Variants in RFX1 observed in about 807,000 individuals in gnomAD.
The protein encoded by RFX1 is regulatory factor X1, also known as MHC class II regulatory factor RFX1.
A neutral mutation model predicts 119.6 loss-of-function variants in RFX1; 42 were observed. That is an observed-to-expected ratio of 0.35 (90% CI 0.27 to 0.45). RFX1 has a LOEUF of 0.45. RFX1 is among the 20% of genes least tolerant of loss of function. The pLI, the probability that RFX1 is intolerant of heterozygous loss-of-function variation, is 1.00. For synonymous variants in RFX1, 628 were observed against 618.5 expected (o/e 1.02, Z -0.23); for missense variants, 1,118 against 1,368.1 (o/e 0.82, Z 2.88).
Position 13,979,427 on chromosome 19 carries a change from T to C in RFX1, c.834+20A>G. On this transcript the variant is annotated intron_variant, in intron 7 of 20. Transcript: ENST00000254325. ...GGGACCAGCCCCTTTGCCCGTGGGG[T>C]AGGAGGGGGAGACACACACCTCTTG... The C allele has an allele frequency of 6.6e-7, 1 of 1,512,884 alleles. No individual in the cohort carries two copies. Among genetic ancestry groups the C allele is most frequent in the Non-Finnish European group, 9.0e-7 (1 of 1,116,286 alleles). 93.7% of individuals were successfully genotyped at this position (1,512,884 alleles called of 1,614,324 possible). A position where few individuals can be genotyped will look rare whatever the true frequency, so the allele number is the denominator to read the frequency against.
At position 13,966,894 on chromosome 19, in the gene RFX1, G is replaced by A. The variant is rs573906934; in HGVS notation, c.1733-143C>T. The A allele has an allele frequency of 3.0e-4, 176 of 583,642 alleles. 1 individual carries two copies. Among genetic ancestry groups the A allele is most frequent in the South Asian group, 1.2e-3 (57 of 46,858 alleles). The allele number at this position is 583,642 out of a possible 1,614,324, so 36.2% of individuals were successfully genotyped here. A position where few individuals can be genotyped will look rare whatever the true frequency, so the allele number is the denominator to read the frequency against. ...GCTAGGTGGGGTGAGCGCCTGGCCC[G>A]GGCCCAGGACGGGCCCAGGAGTGAG... On this transcript the variant is annotated intron_variant, in intron 12 of 20. Coordinates refer to ENST00000254325, the MANE Select transcript of RFX1 (RefSeq NM_002918.5). This position sits in a 1 kb window ranked among gnomAD's most constrained non-coding sequence, Gnocchi z 6.3.
At position 13,980,007 on chromosome 19, in the gene RFX1, C is replaced by A. The variant is rs1011103759; in HGVS notation, c.739-465G>T. Among the ~76,000 whole-genome samples the A allele has an allele frequency of 1.3e-5, 2 of 151,852 alleles. No individual in the cohort carries two copies. The highest frequency in any genetic ancestry group is 2.9e-5 in the Non-Finnish European group (2 of 67,946). ...CTGGAGGTTCGGGGGGGCTCTAGTGCCAGGCGGGGGAGTATCTGTGAAACC... is the reference window on the plus strand; with the variant it reads ...CTGGAGGTTCGGGGGGGCTCTAGTGACAGGCGGGGGAGTATCTGTGAAACC... On this transcript the variant is annotated intron_variant, in intron 6 of 20. Transcript: ENST00000254325. The surrounding 1 kb of genome is among the most constrained non-coding windows in gnomAD (Gnocchi z 5.1).
chr19:13,965,442 C>T lies in RFX1; in HGVS notation c.2211+7G>A. 1 of 1,612,820 alleles carries T rather than the reference C, an allele frequency of 6.2e-7. No individual in the cohort carries two copies. The highest frequency in any genetic ancestry group is 1.1e-5 in the South Asian group (1 of 91,036). ...GATAGGAGAAAGGGACCCCCTCACA[C>T]TCTCACCTTCACCCGCAGCATCTCC... On this transcript the variant is annotated splice_region_variant and intron_variant, in intron 16 of 20. Coordinates refer to ENST00000254325, the MANE Select transcript of RFX1 (RefSeq NM_002918.5). The surrounding 1 kb of genome is among the most constrained non-coding windows in gnomAD (Gnocchi z 4.7).
chr19:13,975,383 AC>A (rs1235282585), intron 8 of RFX1, among the ~76,000 whole-genome samples: 1 of 151,976 alleles, frequency 6.6e-6, no homozygotes, highest in Non-Finnish European at 1.5e-5. Context: ...AAAAAATTAA[AC>A]ATCCAGAAAG....
intron 8 of RFX1, among the ~76,000 whole-genome samples, chr19:13,976,792 A>G (rs963936948): frequency 5.3e-5 from 8 of 151,922 alleles, no homozygotes; most frequent in Non-Finnish European, 1.2e-4. Context: ...TTTAAGTCCA[A>G]GAGTTCGAGG....
At position 13,986,597 on chromosome 19, in the gene RFX1, G is replaced by A. The variant is rs935109680; in HGVS notation, c.320-3002C>T. Among the ~76,000 whole-genome samples, 1 of 152,180 alleles carries A rather than the reference G, an allele frequency of 6.6e-6. No homozygotes were observed. The highest frequency in any genetic ancestry group is 2.4e-5 in the African/African-American group (1 of 41,428). On this transcript the variant is annotated intron_variant, in intron 2 of 20. Transcript: ENST00000254325. The surrounding 1 kb of genome is among the most constrained non-coding windows in gnomAD (Gnocchi z 4.2). ...GGGGTGGCACTGAGTCTGCGAGCGA[G>A]CGTCTGCATCTATCTGCCGGAGATC...
intron 1 of RFX1, among the ~76,000 whole-genome samples, chr19:14,002,798 C>T (rs900260731): frequency 2.0e-5 from 3 of 152,156 alleles, no homozygotes; most frequent in East Asian, 3.9e-4. Context: ...AGCATCTCTG[C>T]GGGCGGGGCA....
chr19:13,979,234 G>A (rs945244078), intron 7 of RFX1, among the ~76,000 whole-genome samples: 1 of 152,210 alleles, frequency 6.6e-6, no homozygotes, highest in Non-Finnish European at 1.5e-5. Context: ...CTGACCCAGG[G>A]CCACGCAAGA....
rs1340105289 is a variant in RFX1 at position 13,969,161 on chromosome 19, G to A, written c.1497-267C>T. ...GACGCTGAAGCTGGGAATGGGAACCGAGACGTGAGCGGAGGTGAGCCATGG... is the reference window on the plus strand; with the variant it reads ...GACGCTGAAGCTGGGAATGGGAACCAAGACGTGAGCGGAGGTGAGCCATGG... On this transcript the variant is annotated intron_variant, in intron 10 of 20. Transcript: ENST00000254325. The surrounding 1 kb of genome is among the most constrained non-coding windows in gnomAD (Gnocchi z 4.5). 1.3e-5 allele frequency among the ~76,000 whole-genome samples: 2 copies of A among 152,194 alleles called. No homozygotes were observed. The highest frequency in any genetic ancestry group is 1.5e-5 in the Non-Finnish European group (1 of 68,038).
intron 3 of RFX1, 50 bp from the exon 4 acceptor site, chr19:13,983,320 CCTGG>C (rs1974489440): frequency 6.8e-7 from 1 of 1,474,964 alleles, no homozygotes; most frequent in African/African-American, 1.4e-5. Flanking sequence ...CCCAGGGAGG[CCTGG>C]CGTGGTTGGG....
At chr19:13,964,409 A>G (rs1041537082) in intron 16 of RFX1, among the ~76,000 whole-genome samples, 12 of 147,834 alleles carry the variant, frequency 8.1e-5, no homozygotes. Context: ...TTTAAAAACG[A>G]AAGAACACAA....
At chr19:14,005,862 C>T (rs965633257) in intron 1 of RFX1, among the ~76,000 whole-genome samples, 39 of 151,826 alleles carry the variant, frequency 2.6e-4, no homozygotes, top group African/African-American at 8.7e-4. Context: ...CCCGGCCTGC[C>T]GACCTCCACT....
In RFX1 at chr19:13,983,269, C is replaced by T. The variant is rs758297278; in HGVS notation, c.431G>A (p.Arg144Gln). 21 of 1,553,256 alleles carry T rather than the reference C, an allele frequency of 1.4e-5. No individual in the cohort carries two copies. The highest frequency in any genetic ancestry group is 7.2e-5 in the East Asian group (3 of 41,896). ...CTGCACGCTCGTCTGGACCAGCAGCCGCTGTGGAGACAAGGCAGGAGGAGC... is the reference window on the plus strand; with the variant it reads ...CTGCACGCTCGTCTGGACCAGCAGCTGCTGTGGAGACAAGGCAGGAGGAGC... ...VVQQVQGTQQ[R>Q]LLVQTSVQAK... Residue 144 changes from arginine (R) to glutamine (Q), a missense_variant and splice_region_variant, in exon 4 of 21, where the codon CGG becomes CAG. Arg to Gln is a conservative substitution (Grantham distance 43, BLOSUM62 1). Around this residue, in one of 5 missense-constraint regions of RFX1, gnomAD observed 542 missense variants for 602.7 expected, o/e 0.90. Transcript: ENST00000254325.
Position 13,963,945 on chromosome 19 carries a change from C to T in RFX1, c.2274G>A (p.Ala758=). The change falls in exon 17 of 21, where the codon GCG becomes GCA. Residue 758 remains alanine (A), a synonymous_variant. Coordinates refer to ENST00000254325, the MANE Select transcript of RFX1 (RefSeq NM_002918.5). The part of the protein sequence containing the change: ...LRRYTSLNHL[A]QAARAVLQNT... The stretch of plus-strand genomic sequence containing the variant: ...TCTGCAGCACAGCGCGCGCCGCCTG[C>T]GCCAGGTGGTTGAGCGACGTGTAGC... 3 of 1,544,986 alleles carry T rather than the reference C, an allele frequency of 1.9e-6. No homozygotes were observed. Among genetic ancestry groups the T allele is most frequent in the South Asian group, 2.4e-5 (2 of 84,056 alleles).
At chr19:13,979,385 C>T (rs1005787475) in intron 7 of RFX1, 62 bp downstream of exon 7, 2 of 1,216,446 alleles carry the variant, frequency 1.6e-6, no homozygotes, top group African/African-American at 1.5e-5. Flanking sequence ...GGGGCCTGCA[C>T]TCCCCAGCCC....
At chr19:13,995,947 G>A (rs1199674557) in intron 1 of RFX1, among the ~76,000 whole-genome samples, 1 of 151,488 alleles carries the variant, frequency 6.6e-6, no homozygotes, top group East Asian at 1.9e-4. Context: ...AGAATTGCTT[G>A]AACCCAGGAG....
chr19:13,971,721 T>A (rs573088675), intron 9 of RFX1, among the ~76,000 whole-genome samples: 8 of 151,918 alleles, frequency 5.3e-5, no homozygotes, highest in East Asian at 3.9e-4. Flanking sequence ...AAAAATTTTT[T>A]AAAATCCGCC....
At chr19:13,974,145 C>T (rs576712114) in intron 8 of RFX1, among the ~76,000 whole-genome samples, 51 of 152,116 alleles carry the variant, frequency 3.4e-4, no homozygotes, top group East Asian at 1.9e-4. Context: ...CAAGAAGCCA[C>T]GTGCAAAGGT....
At position 13,980,378 on chromosome 19, in the gene RFX1, GGC is replaced by G. The variant is rs1974389162; in HGVS notation, c.738+193_738+194del. The stretch of plus-strand genomic sequence containing the variant: ...GAGGTTCAAATTTCGTCCTCCCCGC[GGC>G]TCCCCCATCCTCTAGCCCCAGGATG... On this transcript the variant is annotated intron_variant, in intron 6 of 20. Coordinates refer to ENST00000254325, the MANE Select transcript of RFX1 (RefSeq NM_002918.5). The surrounding 1 kb of genome is among the most constrained non-coding windows in gnomAD (Gnocchi z 5.1). 6.6e-6 allele frequency among the ~76,000 whole-genome samples: 1 copy of G among 152,278 alleles called. No individual in the cohort carries two copies. The highest frequency in any genetic ancestry group is 1.5e-5 in the Non-Finnish European group (1 of 68,006).
Sources: gnomAD v4.1 joint callset for allele counts (sites outside exome capture counted in the v4.1 genomes callset) on GRCh38, gnomAD v4.1.1 for gene constraint, gnomAD v4.1.1 regional missense constraint, Gnocchi (gnomAD v3.1) non-coding constraint, MANE v1.5 for transcripts, NCBI Gene and HGNC (gene_info 2026-07-23, HGNC 2026-07-21) for gene names.